ARHGAP22: variants seen among roughly 807,000 people sequenced by gnomAD.
ARHGAP22 encodes the protein Rho GTPase activating protein 22.
In ARHGAP22, 48 loss-of-function variants were observed where a neutral mutation model predicts 59.1. The observed-to-expected ratio is 0.81, with a 90% CI of 0.64 to 1.03. The LOEUF (loss-of-function observed/expected upper bound fraction) is 1.03. Among genes scored for constraint, ARHGAP22 ranks in the 50% least tolerant of loss-of-function variants. ARHGAP22 has a pLI of 0.00. For missense variants in ARHGAP22, 1,015 were observed against 958.7 expected (o/e 1.06, Z -0.78); for synonymous variants, 445 against 416.4 (o/e 1.07, Z -0.84).
intron 3 of ARHGAP22, among the ~76,000 whole-genome samples, chr10:48,508,880 CCAAT>C (rs1564790990): frequency 6.6e-6 from 1 of 152,218 alleles, no homozygotes; most frequent in Non-Finnish European, 1.5e-5. Flanking sequence ...AACAGTGACA[CCAAT>C]CAACATGCCA....
At chr10:48,451,373 C>T (rs2045931485) in intron 8 of ARHGAP22, 3 of 721,610 alleles carry the variant, frequency 4.2e-6, no homozygotes, top group Non-Finnish European at 7.5e-6. Flanking sequence ...GAGCCGCAAG[C>T]AGGGAGGAAG....
intron 1 of ARHGAP22, among the ~76,000 whole-genome samples, chr10:48,643,752 T>TAA (rs35924464): frequency 1.7e-3 from 239 of 141,228 alleles, no homozygotes; most frequent in African/African-American, 5.1e-3. Context: ...AAAGTATAAT[T>TAA]AAAAAAAAAA....
At chr10:48,546,818 T>C (rs2056479264) in intron 3 of ARHGAP22, 1 of 152,196 alleles carries the variant, frequency 6.6e-6, no homozygotes, top group Non-Finnish European at 1.5e-5. Flanking sequence ...ATCATAACGA[T>C]TAATGATTAG....
At chr10:48,433,610 G>A in the ARHGAP22 span, among the ~76,000 whole-genome samples, 1 of 152,098 alleles carries the variant, frequency 6.6e-6, no homozygotes, top group Non-Finnish European at 1.5e-5. Flanking sequence ...CCCATCACAT[G>A]CTTTGTCTCT....
chr10:48,603,867 C>A (rs142447646), intron 1 of ARHGAP22, among the ~76,000 whole-genome samples: 3 of 152,210 alleles, frequency 2.0e-5, no homozygotes, highest in East Asian at 3.8e-4. Context: ...GGAGGCCCCC[C>A]GCTGCAAACA....
chr10:48,467,414 A>G (rs553169116), intron 4 of ARHGAP22, among the ~76,000 whole-genome samples: 2 of 152,078 alleles, frequency 1.3e-5, no homozygotes, highest in South Asian at 4.2e-4. Flanking sequence ...ATGCAACGCC[A>G]GTAGCAGGGA....
Position 48,459,665 on chromosome 10 carries a change from C to T in ARHGAP22, c.659+19G>A. 3 of 1,613,534 alleles carry T rather than the reference C, an allele frequency of 1.9e-6. No homozygotes were observed. Among genetic ancestry groups the T allele is most frequent in the Middle Eastern group, 1.6e-4 (1 of 6,062 alleles). On this transcript the variant is annotated intron_variant, in intron 5 of 9. Transcript: ENST00000249601. ...GGAATGGACAAATGGCTCCACCTTA[C>T]CCCCGATCACAAGCTCACCTGTCAA...
At chr10:48,653,280 A>G (rs1342632159), upstream of ARHGAP22, among the ~76,000 whole-genome samples, 1 of 152,264 alleles carries the variant, frequency 6.6e-6, no homozygotes, top group Non-Finnish European at 1.5e-5. Context: ...AATCACTGCT[A>G]TAAAGATAAA....
At chr10:48,645,524 T>C (rs1327073757) in intron 1 of ARHGAP22, among the ~76,000 whole-genome samples, 1 of 152,054 alleles carries the variant, frequency 6.6e-6, no homozygotes, top group Non-Finnish European at 1.5e-5. Flanking sequence ...TTAATAGAAA[T>C]AGAATAAAGG....
At chr10:48,580,314 G>A (rs2059028475) in intron 2 of ARHGAP22, among the ~76,000 whole-genome samples, 1 of 152,154 alleles carries the variant, frequency 6.6e-6, no homozygotes, top group Non-Finnish European at 1.5e-5. Flanking sequence ...GGAGAGGAGT[G>A]TCTGGCTCAG....
intron 1 of ARHGAP22, among the ~76,000 whole-genome samples, chr10:48,610,319 C>T (rs942613528): frequency 6.6e-6 from 1 of 152,134 alleles, no homozygotes; most frequent in African/African-American, 2.4e-5. Context: ...AGGAAACCAC[C>T]CAGACATACC....
rs576846690 is a variant in ARHGAP22 at position 48,616,345 on chromosome 10, T to C, written c.53-33193A>G. ...TCACTTTATTGTGATGGTCTGGAAT[T>C]GAACCTGCAATGTCTCCTAGATATG... On this transcript the variant is annotated intron_variant, in intron 1 of 9. Coordinates refer to the ARHGAP22 transcript ENST00000435790. Among the ~76,000 whole-genome samples the C allele has an allele frequency of 4.6e-5, 7 of 152,264 alleles. No homozygotes were observed. The South Asian group carries it at 1.5e-3, about 32-fold the overall frequency.
chr10:48,441,164 C>A (rs1178740743), downstream of ARHGAP22, among the ~76,000 whole-genome samples: 1 of 152,130 alleles, frequency 6.6e-6, no homozygotes, highest in African/African-American at 2.4e-5. Flanking sequence ...ATTGTAGTTT[C>A]TTTTCTTGTG....
chr10:48,634,061 T>C (rs2061721185), intron 1 of ARHGAP22, among the ~76,000 whole-genome samples: 1 of 152,204 alleles, frequency 6.6e-6, no homozygotes, highest in African/African-American at 2.4e-5. Context: ...TGTTATCTGC[T>C]AGCCAGCTCA....
At chr10:48,592,437 G>C (rs1423554732) in intron 1 of ARHGAP22, among the ~76,000 whole-genome samples, 1 of 152,126 alleles carries the variant, frequency 6.6e-6, no homozygotes, top group African/African-American at 2.4e-5. Context: ...CCCATTCTTT[G>C]GCCCTTTGGC....
chr10:48,552,455 C>A lies in ARHGAP22; in HGVS notation c.322+3008G>T, dbSNP rs182970554. On this transcript the variant is annotated intron_variant, in intron 3 of 9. Transcript: ENST00000249601. ...ACTGTAGGAGAAGCCCCTTGTCCCC[C>A]CAGATGCACTTGCCACCCTTCACCC... 2.1e-4 allele frequency among the ~76,000 whole-genome samples: 32 copies of A among 152,382 alleles called. No homozygotes were observed. In the East Asian group the frequency reaches 6.0e-3, roughly 28 times the overall value.
At chr10:48,643,006 C>T (rs534599143) in intron 1 of ARHGAP22, among the ~76,000 whole-genome samples, 1 of 152,178 alleles carries the variant, frequency 6.6e-6, no homozygotes, top group Admixed American at 6.5e-5. Context: ...CATCACTGGC[C>T]ATCAGAGAAA....
At chr10:48,528,899 G>A (rs1478249521) in intron 3 of ARHGAP22, among the ~76,000 whole-genome samples, 2 of 152,042 alleles carry the variant, frequency 1.3e-5, no homozygotes, top group Non-Finnish European at 2.9e-5. Flanking sequence ...ACTTCCTGAG[G>A]CCTCCCCAGA....
chr10:48,497,503 G>T (rs2051057777), intron 3 of ARHGAP22, among the ~76,000 whole-genome samples: 2 of 152,252 alleles, frequency 1.3e-5, no homozygotes, highest in South Asian at 4.1e-4. Flanking sequence ...GGAAGAGGAT[G>T]TTGAAGAGGG....
Sources: allele counts gnomAD v4.1 joint callset (sites outside exome capture counted in the v4.1 genomes callset), GRCh38; gene constraint gnomAD v4.1.1; transcripts MANE v1.5; gene names NCBI Gene and HGNC (gene_info 2026-07-23, HGNC 2026-07-21).